Variants in PRPF19 observed in about 807,000 individuals in gnomAD.
The protein encoded by PRPF19 is pre-mRNA processing factor 19.
PRPF19 carries 2 observed loss-of-function variants against 64.2 expected under a neutral mutation model. The observed-to-expected ratio is 0.03, with a 90% CI of 0.01 to 0.10. PRPF19 has a LOEUF of 0.10. Ranked by LOEUF, PRPF19 falls within the 10% of genes least tolerant of loss-of-function variation. The pLI is 1.00. For missense variants in PRPF19, 314 were observed against 650.0 expected, an observed-to-expected ratio of 0.48 and a Z score of 5.62; for synonymous variants, 226 against 251.6, an observed-to-expected ratio of 0.90 and a Z score of 0.96.
At chr11:60,900,549 G>A in intron 10 of PRPF19, 33 bp downstream of exon 10, 1 of 1,481,362 alleles carries the variant, frequency 6.8e-7, no homozygotes, top group Non-Finnish European at 9.2e-7. Context: ...GCCAAGGAAA[G>A]AAGAACCAAG....
At chr11:60,903,053 T>C (rs1856001476) in intron 3 of PRPF19, among the ~76,000 whole-genome samples, 172 bp from the exon 4 acceptor site, 1 of 152,152 alleles carries the variant, frequency 6.6e-6, no homozygotes, top group Non-Finnish European at 1.5e-5. Flanking sequence ...CTTGAGCTCC[T>C]ACCCCAAGCG....
chr11:60,893,089 T>C (rs913968482), intron 15 of PRPF19, among the ~76,000 whole-genome samples: 1 of 152,120 alleles, frequency 6.6e-6, no homozygotes, highest in African/African-American at 2.4e-5. Context: ...AGCTGAAAAA[T>C]TCCTATCACC....
rs1590607839 is a variant in PRPF19, at chr11:60,901,281, A to C, written c.642+14T>G. 1 of 1,613,478 alleles carries C rather than the reference A, an allele frequency of 6.2e-7. No homozygotes were observed. Among genetic ancestry groups the C allele is most frequent in the Non-Finnish European group, 8.5e-7 (1 of 1,179,870 alleles). The stretch of plus-strand genomic sequence containing the variant: ...GAGGGCTGTCTCCAAGACAGTGGAG[A>C]CCCAGACACTCACCACGTGGGATGC... On this transcript the variant is annotated intron_variant, in intron 8 of 15. Transcript: ENST00000227524.
At chr11:60,903,925 A>G in intron 1 of PRPF19, 64 bp from the exon 2 acceptor site, 3 of 1,565,472 alleles carry the variant, frequency 1.9e-6, no homozygotes, top group Non-Finnish European at 2.6e-6. Flanking sequence ...AGGATTCCTC[A>G]TCTGCTATTA....
intron 15 of PRPF19, chr11:60,897,468 T>G (rs1421415570): frequency 1.6e-5 from 3 of 186,100 alleles, no homozygotes; most frequent in African/African-American, 7.1e-5. Context: ...TGTATAAGCT[T>G]CAATCATCTG....
In PRPF19 at chr11:60,890,723, G is replaced by A. The variant is rs541196370; in HGVS notation, c.*443C>T. The A allele has an allele frequency of 2.2e-6, 1 of 456,172 alleles. No homozygotes were observed. Among genetic ancestry groups the A allele is most frequent in the South Asian group, 1.5e-5 (1 of 64,526 alleles). 28.3% of individuals were successfully genotyped at this position (456,172 alleles called of 1,614,324 possible). On this transcript the variant is annotated 3_prime_UTR_variant, in exon 16 of 16. Coordinates refer to ENST00000227524, the MANE Select transcript of PRPF19 (RefSeq NM_014502.5). The stretch of plus-strand genomic sequence containing the variant: ...TGGTGCAGACAGACACGGGGAGGTG[G>A]TTATGGTTATTGTTTTCTTTTTTTA...
chr11:60,895,724 A>G (rs1404191132), intron 15 of PRPF19, among the ~76,000 whole-genome samples: 1 of 152,108 alleles, frequency 6.6e-6, no homozygotes, highest in Non-Finnish European at 1.5e-5. Flanking sequence ...ATTTTAAGTA[A>G]CAGACATGGG....
At chr11:60,899,695 G>T (rs1251867122) in intron 10 of PRPF19, among the ~76,000 whole-genome samples, 1 of 152,214 alleles carries the variant, frequency 6.6e-6, no homozygotes, top group Non-Finnish European at 1.5e-5. Flanking sequence ...GTATGGCACA[G>T]GTCTGAGCAG....
intron 6 of PRPF19, among the ~76,000 whole-genome samples, chr11:60,901,809 C>T (rs2134864428): frequency 6.6e-6 from 1 of 152,198 alleles, no homozygotes; most frequent in East Asian, 1.9e-4. Context: ...AACAGCAGAG[C>T]AAGAATAGAA....
chr11:60,898,852 G>A lies in PRPF19; in HGVS notation c.1054+10C>T. The A allele has an allele frequency of 6.3e-7, 1 of 1,592,222 alleles. No homozygotes were observed. Among genetic ancestry groups the A allele is most frequent in the Non-Finnish European group, 8.6e-7 (1 of 1,168,684 alleles). On this transcript the variant is annotated intron_variant, in intron 12 of 15. Transcript: ENST00000227524. The surrounding 1 kb of genome is among the most constrained non-coding windows in gnomAD (Gnocchi z 4.6). ...AAACAAAAAAGCTGAGTGCCTATGA[G>A]GCAACTTACAGCAGCCGGAGGTCTC...
chr11:60,891,280 G>A lies in PRPF19; in HGVS notation c.1418-17C>T. 1 of 1,597,732 alleles carries A rather than the reference G, an allele frequency of 6.3e-7. No individual in the cohort carries two copies. Among genetic ancestry groups the A allele is most frequent in the Non-Finnish European group, 8.6e-7 (1 of 1,166,298 alleles). ...CGCTATGCTCTGAGGAGAAAGATAA[G>A]AGGCAACTGTGAGAAGGCTTTTCCT... is the stretch of plus-strand genomic sequence containing the variant. On this transcript the variant is annotated splice_polypyrimidine_tract_variant and intron_variant, in intron 15 of 15. Coordinates refer to ENST00000227524, the MANE Select transcript of PRPF19 (RefSeq NM_014502.5).
chr11:60,897,080 C>T (rs1855930442), intron 15 of PRPF19, among the ~76,000 whole-genome samples: 1 of 152,212 alleles, frequency 6.6e-6, no homozygotes, highest in Non-Finnish European at 1.5e-5. Context: ...TAGGCCTTCA[C>T]ATTCACTCAC....
rs1350447238 is a variant in PRPF19 at position 60,900,625 on chromosome 11, C to T, written c.785G>A (p.Gly262Asp). ...SSEQILATLK[G>D]HTKKVTSVVF... ...CACGCTGGTGACCTTCTTGGTATGGCCTTTGAGGGTAGCCAGGATTTGTTC... is the reference window on the plus strand; with the variant it reads ...CACGCTGGTGACCTTCTTGGTATGGTCTTTGAGGGTAGCCAGGATTTGTTC... The change falls in exon 10 of 16, where the codon GGC (glycine) becomes GAC (aspartate). Residue 262 changes from glycine (G) to aspartate (D), a missense_variant. Transcript: ENST00000227524. 12 of 1,558,350 alleles carry T rather than the reference C, an allele frequency of 7.7e-6. No homozygotes were observed. The highest frequency in any genetic ancestry group is 1.0e-5 in the Non-Finnish European group (12 of 1,149,652).
At chr11:60,892,180 G>A (rs1003967729) in intron 15 of PRPF19, among the ~76,000 whole-genome samples, 5 of 152,186 alleles carry the variant, frequency 3.3e-5, no homozygotes, top group African/African-American at 1.2e-4. Context: ...CACGTACCCA[G>A]GGCCACATAA....
chr11:60,895,329 T>C (rs534360696), intron 15 of PRPF19, among the ~76,000 whole-genome samples: 1 of 152,256 alleles, frequency 6.6e-6, no homozygotes, highest in Non-Finnish European at 1.5e-5. Flanking sequence ...CCTTGTACTT[T>C]TCTGTTATGG....
chr11:60,898,301 C>T lies in PRPF19; in HGVS notation c.1141-30G>A. 6.2e-7 allele frequency: 1 copy of T among 1,608,618 alleles called. No individual in the cohort carries two copies. The highest frequency in any genetic ancestry group is 8.5e-7 in the Non-Finnish European group (1 of 1,177,754). ...AGTGGCGGTGGGTAGTAAAATACGTCACCCACAGATCATGAGAGGAAGAAA... is the reference window on the plus strand; with the variant it reads ...AGTGGCGGTGGGTAGTAAAATACGTTACCCACAGATCATGAGAGGAAGAAA... On this transcript the variant is annotated intron_variant, in intron 13 of 15. Coordinates refer to ENST00000227524, the MANE Select transcript of PRPF19 (RefSeq NM_014502.5). This position sits in a 1 kb window ranked among gnomAD's most constrained non-coding sequence, Gnocchi z 4.6.
Position 60,898,811 on chromosome 11 carries a change from A to G in PRPF19, c.1054+51T>C, listed in dbSNP as rs1855948774. On this transcript the variant is annotated intron_variant, in intron 12 of 15. Coordinates refer to ENST00000227524, the MANE Select transcript of PRPF19 (RefSeq NM_014502.5). This position sits in a 1 kb window ranked among gnomAD's most constrained non-coding sequence, Gnocchi z 4.6. ...ACAAATGACTAAATAAAATGTAAAA[A>G]TAAATAATAAACAGCAAACAAAAAA... 1.3e-6 allele frequency: 2 copies of G among 1,502,260 alleles called. No homozygotes were observed. The highest frequency in any genetic ancestry group is 1.4e-5 in the African/African-American group (1 of 70,326). 93.1% of individuals were successfully genotyped at this position (1,502,260 alleles called of 1,614,324 possible). A position where few individuals can be genotyped will look rare whatever the true frequency, so the allele number is the denominator to read the frequency against.
Position 60,902,686 on chromosome 11 carries a change from A to G in PRPF19, c.389-30T>C. On this transcript the variant is annotated intron_variant, in intron 4 of 15. Transcript: ENST00000227524. The surrounding 1 kb of genome is among the most constrained non-coding windows in gnomAD (Gnocchi z 5.0). ...GAGAAAAGACGATGTTAGAAATGGG[A>G]TATTACAATGCAGAACCAGCCCAGG... is the stretch of plus-strand genomic sequence containing the variant. 1 of 1,614,194 alleles carries G rather than the reference A, an allele frequency of 6.2e-7. No individual in the cohort carries two copies.
chr11:60,906,543 G>A lies in PRPF19; in HGVS notation c.-161C>T, dbSNP rs894564190. On this transcript the variant is annotated 5_prime_UTR_variant, in exon 1 of 16. Transcript: ENST00000227524. ...CTAGCGTAGCGCTTCACGTGGGAAT[G>A]GGGACAGCCGCGCGCCACAGCCTTC... 8.5e-6 allele frequency: 6 copies of A among 708,958 alleles called. No homozygotes were observed. Among genetic ancestry groups the A allele is most frequent in the Non-Finnish European group, 1.4e-5 (6 of 442,688 alleles). The allele number at this position is 708,958 out of a possible 1,614,324, so 43.9% of individuals were successfully genotyped here.
Sources: gnomAD v4.1 joint callset for allele counts (sites outside exome capture counted in the v4.1 genomes callset) on GRCh38, gnomAD v4.1.1 for gene constraint, Gnocchi (gnomAD v3.1) non-coding constraint, MANE v1.5 for transcripts, NCBI Gene and HGNC (gene_info 2026-07-23, HGNC 2026-07-21) for gene names.